The following CTNS variants were observed in gnomAD, a reference collection of about 807,000 sequenced individuals.
The protein encoded by CTNS is cystinosin.
Under a neutral mutation model 43.7 loss-of-function variants are expected in CTNS, and 27 were observed. The observed-to-expected ratio is 0.62, with a 90% confidence interval of 0.46 to 0.85. The LOEUF is 0.85. Ranked by LOEUF, CTNS falls within the 40% of genes least tolerant of loss-of-function variation. The pLI is 0.00. For missense variants in CTNS, 457 were observed against 475.4 expected (o/e 0.96, Z 0.36); for synonymous variants, 187 against 190.6 (o/e 0.98, Z 0.16).
intron 10 of CTNS, 27 bp downstream of exon 10, chr17:3,658,202 C>T: frequency 1.9e-6 from 3 of 1,611,344 alleles, no homozygotes; most frequent in South Asian, 1.1e-5. Context: ...GTTCACATGG[C>T]CGGTGGCAGG....
chr17:3,644,163 C>G (rs1450948108), intron 3 of CTNS, among the ~76,000 whole-genome samples: 1 of 152,240 alleles, frequency 6.6e-6, no homozygotes, highest in East Asian at 1.9e-4. Flanking sequence ...TATTTAGCAT[C>G]TGGGCTTTGT....
intron 7 of CTNS, 92 bp from the exon 8 acceptor site, chr17:3,656,391 GCCCC>G: frequency 1.5e-5 from 1 of 68,802 alleles, no homozygotes; most frequent in South Asian, 9.5e-5. Flanking sequence ...CCTCTGCCCT[GCCCC>G]TCCACCCCCG....
At chr17:3,652,065 G>C (rs1350342402) in intron 5 of CTNS, among the ~76,000 whole-genome samples, 1 of 151,774 alleles carries the variant, frequency 6.6e-6, no homozygotes, top group Non-Finnish European at 1.5e-5. Context: ...TACCTTTTCA[G>C]GCTCCTGCCT....
Position 3,662,280 on chromosome 17 carries a change from C to T in CTNS, c.*1911C>T, listed in dbSNP as rs2076288364. 6.6e-6 allele frequency among the ~76,000 whole-genome samples: 1 copy of T among 151,030 alleles called. No individual in the cohort carries two copies. ...GAGCGAAGATCACGCCATTGCACTCCAGCCTGGGCAACAAGAACGAAACTC... is the reference window on the plus strand; with the variant it reads ...GAGCGAAGATCACGCCATTGCACTCTAGCCTGGGCAACAAGAACGAAACTC... On this transcript the variant is annotated 3_prime_UTR_variant, in exon 12 of 12. Coordinates refer to ENST00000046640, the MANE Select transcript of CTNS (RefSeq NM_004937.3).
chr17:3,637,712 T>C (rs1252721142), intron 2 of CTNS, among the ~76,000 whole-genome samples: 1 of 151,966 alleles, frequency 6.6e-6, no homozygotes, highest in Non-Finnish European at 1.5e-5. Flanking sequence ...GGTGATGCGC[T>C]CACCTCGGCC....
chr17:3,655,723 T>A (rs1475768619), intron 7 of CTNS: 218 of 339,566 alleles, frequency 6.4e-4, no homozygotes, highest in African/African-American at 4.5e-3. Flanking sequence ...GACGAAGCTG[T>A]CCCACCTTGA....
intron 3 of CTNS, 133 bp from the exon 4 acceptor site, chr17:3,647,311 G>A: frequency 2.6e-6 from 2 of 774,910 alleles, no homozygotes; most frequent in Non-Finnish European, 4.5e-6. Context: ...TGTGTTTGCA[G>A]TCCCATCACA....
chr17:3,647,680 C>T lies in CTNS; in HGVS notation c.140+158C>T, dbSNP rs1053411120. On this transcript the variant is annotated intron_variant, in intron 4 of 11. Coordinates refer to ENST00000046640, the MANE Select transcript of CTNS (RefSeq NM_004937.3). ...AAAAAGGGATGGTGCTAGCCCCGGG[C>T]TGCAGGATGGGATCGCAAAGGCTGA... 38 of 721,714 alleles carry T rather than the reference C, an allele frequency of 5.3e-5. No homozygotes were observed. In the African/African-American group the frequency reaches 6.3e-4, roughly 12 times the overall value. 44.7% of individuals were successfully genotyped at this position (721,714 alleles called of 1,614,324 possible).
intron 3 of CTNS, among the ~76,000 whole-genome samples, chr17:3,643,681 C>T (rs1282053303): frequency 1.3e-5 from 2 of 152,122 alleles, no homozygotes; most frequent in Admixed American, 6.6e-5. Context: ...ATTCTAGTGC[C>T]TCAGCCTCCC....
chr17:3,640,052 T>C, intron 2 of CTNS, 136 bp from the exon 3 acceptor site: 1 of 748,622 alleles, frequency 1.3e-6, no homozygotes, highest in Non-Finnish European at 2.4e-6. Flanking sequence ...GAGGCCGTGA[T>C]GCAAAGCCCT....
At chr17:3,647,374 C>A in intron 3 of CTNS, 70 bp from the exon 4 acceptor site, 2 of 1,340,220 alleles carry the variant, frequency 1.5e-6, no homozygotes, top group Non-Finnish European at 1.1e-6. Flanking sequence ...TCAGGGGTTT[C>A]GGCCCAGTTT....
chr17:3,659,110 C>T (rs1403120215), intron 10 of CTNS, among the ~76,000 whole-genome samples: 1 of 152,014 alleles, frequency 6.6e-6, no homozygotes, highest in Non-Finnish European at 1.5e-5. Flanking sequence ...GCAGCAAGTA[C>T]GGAAGAGGGT....
In CTNS at chr17:3,654,850, G is replaced by A. The variant is rs545632701; in HGVS notation, c.226-148G>A. The A allele has an allele frequency of 6.8e-4, 499 of 738,812 alleles. 4 individuals are homozygous for A. The highest frequency in any genetic ancestry group is 4.1e-4 in the South Asian group (29 of 70,796). The allele number at this position is 738,812 out of a possible 1,614,324, so 45.8% of individuals were successfully genotyped here. The stretch of plus-strand genomic sequence containing the variant: ...GTTCAAGTTGGCTGGTGGGCGCAGC[G>A]TCTCTCCTTTTGCTTAGTAAGCTCT... On this transcript the variant is annotated intron_variant, in intron 5 of 11. Transcript: ENST00000046640.
In CTNS at chr17:3,647,491, G is replaced by A. The variant is rs149369853; in HGVS notation, c.109G>A (p.Gly37Ser). ...TVPPVVKLEN[G>S]SSTNVSLTLR... ...TCCTCCTGTCGTAAAGCTGGAGAAC[G>A]GCAGCTCGACCAACGTCAGCCTCAC... The change falls in exon 4 of 12, where the codon GGC (glycine) becomes AGC (serine). Residue 37 changes from glycine (G) to serine (S), a missense_variant. Coordinates refer to ENST00000046640, the MANE Select transcript of CTNS (RefSeq NM_004937.3). 47 of 1,614,048 alleles carry A rather than the reference G, an allele frequency of 2.9e-5. No individual in the cohort carries two copies. The highest frequency in any genetic ancestry group is 4.5e-5 in the East Asian group (2 of 44,896).
At chr17:3,641,957 C>CCCTG (rs1479116494) in intron 3 of CTNS, among the ~76,000 whole-genome samples, 2 of 152,076 alleles carry the variant, frequency 1.3e-5, no homozygotes, top group African/African-American at 4.8e-5. Context: ...CCTGTCCCCA[C>CCCTG]CCTGTAGGAT....
chr17:3,662,372 C>T lies in CTNS; in HGVS notation c.*2003C>T, dbSNP rs988185568. ...TCTGATTTGGCAGTGCTAGGTAGGT[C>T]CAGGAGTGCTAACACCTTCCCAGAG... On this transcript the variant is annotated 3_prime_UTR_variant, in exon 12 of 12. Transcript: ENST00000046640. Among the ~76,000 whole-genome samples the T allele has an allele frequency of 2.0e-5, 3 of 152,082 alleles. No homozygotes were observed. The highest frequency in any genetic ancestry group is 7.2e-5 in the African/African-American group (3 of 41,390).
intron 3 of CTNS, among the ~76,000 whole-genome samples, chr17:3,642,620 G>C (rs2075748848): frequency 6.6e-6 from 1 of 151,840 alleles, no homozygotes; most frequent in Non-Finnish European, 1.5e-5. Flanking sequence ...CCGGGAGGCA[G>C]GAGGTTGCAG....
Position 3,657,998 on chromosome 17 carries a change from C to A in CTNS, c.682-7C>A. 1 of 1,607,666 alleles carries A rather than the reference C, an allele frequency of 6.2e-7. No homozygotes were observed. The highest frequency in any genetic ancestry group is 1.1e-5 in the South Asian group (1 of 91,002). On this transcript the variant is annotated splice_polypyrimidine_tract_variant and splice_region_variant and intron_variant, in intron 9 of 11. Transcript: ENST00000046640. ...GGTCCACATCTCTGCCCTCCTCTCG[C>A]CCCCAGCGCGGTGGCCAGCGCGTGT... is the stretch of plus-strand genomic sequence containing the variant.
intron 5 of CTNS, chr17:3,650,200 C>T: frequency 6.4e-7 from 1 of 1,550,446 alleles, no homozygotes; most frequent in Non-Finnish European, 8.7e-7. Flanking sequence ...GAGAAGAATG[C>T]AGGGATGAGA....
Sources: gnomAD v4.1 joint callset for allele counts (sites outside exome capture counted in the v4.1 genomes callset) on GRCh38, gnomAD v4.1.1 for gene constraint, MANE v1.5 for transcripts, NCBI Gene and HGNC (gene_info 2026-07-23, HGNC 2026-07-21) for gene names.